Variants in DEFB114 observed in about 807,000 individuals in gnomAD.
DEFB114 encodes defensin beta 114.
In DEFB114, 4 loss-of-function variants were observed where a neutral mutation model predicts 2.4. The ratio of observed to expected loss-of-function variants is 1.67; its 90% CI spans 0.82 to 3.82. The LOEUF (loss-of-function observed/expected upper bound fraction) is 3.82. Ranked by LOEUF, DEFB114 falls within the 30% of genes most tolerant of loss-of-function variation. The pLI, the probability that DEFB114 is intolerant of heterozygous loss-of-function variation, is 0.01. For missense variants in DEFB114, 113 were observed against 85.8 expected, an observed-to-expected ratio of 1.32 and a Z score of -1.25; for synonymous variants, 35 against 24.6, an observed-to-expected ratio of 1.42 and a Z score of -1.26.
intron 1 of DEFB114, among the ~76,000 whole-genome samples, chr6:49,960,856 T>C (rs1416086831): frequency 6.6e-6 from 1 of 150,916 alleles, no homozygotes; most frequent in Non-Finnish European, 1.5e-5. Context: ...TTATATGATA[T>C]ATCCTTATGA....
At chr6:49,960,980 T>A (rs1773449622) in intron 1 of DEFB114, among the ~76,000 whole-genome samples, 1 of 150,822 alleles carries the variant, frequency 6.6e-6, no homozygotes, top group Non-Finnish European at 1.5e-5. Flanking sequence ...ATACTTTTCC[T>A]TCTTTTTATA....
At position 49,961,713 on chromosome 6, in the gene DEFB114, A is replaced by G. The variant is rs1033771782; in HGVS notation, c.56-1267T>C. ...GAGTGTTATTAAACATTAAGGACCT[A>G]TGTAAACACTACCCAAGTCAAGAAA... On this transcript the variant is annotated intron_variant, in intron 1 of 1. Coordinates refer to ENST00000322066, the MANE Select transcript of DEFB114 (RefSeq NM_001037499.2). Among the ~76,000 whole-genome samples the G allele has an allele frequency of 4.0e-5, 6 of 150,988 alleles. 1 individual carries two copies. In the East Asian group the frequency reaches 1.2e-3, roughly 29 times the overall value.
At chr6:49,962,051 A>G (rs1773470893) in intron 1 of DEFB114, among the ~76,000 whole-genome samples, 1 of 150,402 alleles carries the variant, frequency 6.6e-6, no homozygotes. Flanking sequence ...CCATTTTTGA[A>G]TACTTTTGTA....
intron 1 of DEFB114, among the ~76,000 whole-genome samples, chr6:49,961,428 T>A (rs1773457896): frequency 6.6e-6 from 1 of 150,762 alleles, no homozygotes; most frequent in Admixed American, 6.6e-5. Context: ...ATTAAAATAA[T>A]TTCTTCACCT....
chr6:49,960,505 T>C, intron 1 of DEFB114, 59 bp from the exon 2 acceptor site: 1 of 1,515,248 alleles, frequency 6.6e-7, no homozygotes, highest in Non-Finnish European at 8.8e-7. Flanking sequence ...ATATTACTTC[T>C]GATTTCATAG....
At position 49,960,477 on chromosome 6, in the gene DEFB114, A is replaced by T. The variant is rs375230171; in HGVS notation, c.56-31T>A. On this transcript the variant is annotated intron_variant, in intron 1 of 1. Coordinates refer to ENST00000322066, the MANE Select transcript of DEFB114 (RefSeq NM_001037499.2). ...GTAAAAGAAGAGTAACAGAAATTCTAATCTTTTATTTAAGCATATATTACT... is the reference window on the plus strand; with the variant it reads ...GTAAAAGAAGAGTAACAGAAATTCTTATCTTTTATTTAAGCATATATTACT... 5.1e-6 allele frequency: 8 copies of T among 1,568,740 alleles called. No individual in the cohort carries two copies. The Admixed American group carries it at 5.9e-5, about 12-fold the overall frequency.
intron 1 of DEFB114, among the ~76,000 whole-genome samples, chr6:49,960,830 T>G (rs1306062609): frequency 6.6e-6 from 1 of 150,886 alleles, no homozygotes; most frequent in Admixed American, 6.6e-5. Context: ...ATAATGTGGT[T>G]TACATAATTT....
chr6:49,962,822 T>G (rs2113912835), intron 1 of DEFB114, among the ~76,000 whole-genome samples: 1 of 150,474 alleles, frequency 6.6e-6, no homozygotes, highest in Middle Eastern at 3.4e-3. Context: ...ATTGAAAAGC[T>G]TATTTATTAC....
Position 49,960,381 on chromosome 6 carries a change from G to A in DEFB114, c.121C>T (p.Leu41Phe). Residue 41 changes from leucine (L) to phenylalanine (F), a missense_variant, in exon 2 of 2, where the codon CTT becomes TTT. Coordinates refer to ENST00000322066, the MANE Select transcript of DEFB114 (RefSeq NM_001037499.2). Reference sequence around the variant, plus strand: ...ATGTCTATTTGCTTTTCACTCTCAAGACAGTCTCTTTTACAACGACCGTAA... The same window carrying A: ...ATGTCTATTTGCTTTTCACTCTCAAAACAGTCTCTTTTACAACGACCGTAA... ...KRYGRCKRDC[L>F]ESEKQIDICS... The A allele has an allele frequency of 6.2e-7, 1 of 1,608,522 alleles. No individual in the cohort carries two copies. Among genetic ancestry groups the A allele is most frequent in the Non-Finnish European group, 8.5e-7 (1 of 1,176,680 alleles).
At chr6:49,961,242 A>C (rs1163399302) in intron 1 of DEFB114, among the ~76,000 whole-genome samples, 1 of 150,834 alleles carries the variant, frequency 6.6e-6, no homozygotes, top group Non-Finnish European at 1.5e-5. Context: ...GAAATGTACA[A>C]AAATAATCTA....
At chr6:49,963,179 A>G (rs889620647) in intron 1 of DEFB114, among the ~76,000 whole-genome samples, 1 of 150,188 alleles carries the variant, frequency 6.7e-6, no homozygotes. Flanking sequence ...TGGTACTAAA[A>G]CTGATCAGGA....
At chr6:49,962,939 T>C (rs946631823) in intron 1 of DEFB114, among the ~76,000 whole-genome samples, 1 of 150,264 alleles carries the variant, frequency 6.7e-6, no homozygotes, top group African/African-American at 2.4e-5. Context: ...TACATCATAA[T>C]GAATCTGAAC....
At chr6:49,962,775 T>C (rs1470714076) in intron 1 of DEFB114, among the ~76,000 whole-genome samples, 3 of 150,354 alleles carry the variant, frequency 2.0e-5, no homozygotes, top group Admixed American at 6.6e-5. Flanking sequence ...GCTTCATTTT[T>C]TCTTCATATG....
intron 1 of DEFB114, among the ~76,000 whole-genome samples, chr6:49,963,850 A>C (rs1163204238): frequency 6.7e-6 from 1 of 150,084 alleles, no homozygotes; most frequent in African/African-American, 2.4e-5. Flanking sequence ...ATCTCATTTT[A>C]TCTACATATT....
chr6:49,963,700 C>A (rs963905315), intron 1 of DEFB114, among the ~76,000 whole-genome samples: 5 of 149,686 alleles, frequency 3.3e-5, no homozygotes, highest in African/African-American at 1.2e-4. Flanking sequence ...TCAGTTCATT[C>A]AGTTTCTCTA....
intron 1 of DEFB114, among the ~76,000 whole-genome samples, chr6:49,960,709 C>T (rs1394117466): frequency 6.7e-6 from 1 of 150,074 alleles, no homozygotes; most frequent in Non-Finnish European, 1.5e-5. Flanking sequence ...ACATATTATT[C>T]TCAAAAAAAA....
chr6:49,960,675 A>G (rs1773443531), intron 1 of DEFB114, among the ~76,000 whole-genome samples: 1 of 150,980 alleles, frequency 6.6e-6, no homozygotes, highest in Non-Finnish European at 1.5e-5. Flanking sequence ...TTTAAAATTA[A>G]TATATGATTA....
chr6:49,960,711 CAA>C (rs201701965), intron 1 of DEFB114, among the ~76,000 whole-genome samples: 1 of 149,276 alleles, frequency 6.7e-6, no homozygotes, highest in African/African-American at 2.4e-5. Context: ...ATATTATTCT[CAA>C]AAAAAAATTC....
chr6:49,962,460 T>G (rs1383294915), intron 1 of DEFB114, among the ~76,000 whole-genome samples: 1 of 150,450 alleles, frequency 6.6e-6, no homozygotes, highest in Non-Finnish European at 1.5e-5. Flanking sequence ...TTTTATACTG[T>G]TTTATGTATG....
Sources: gnomAD v4.1 joint callset for allele counts (sites outside exome capture counted in the v4.1 genomes callset) on GRCh38, gnomAD v4.1.1 for gene constraint, MANE v1.5 for transcripts, NCBI Gene and HGNC (gene_info 2026-07-23, HGNC 2026-07-21) for gene names.